SSX3: variants seen among roughly 807,000 people sequenced by gnomAD.
SSX3 encodes the protein protein SSX3.
A neutral mutation model predicts 14.8 loss-of-function variants in SSX3; 6 were observed. That is an observed-to-expected ratio of 0.41 (90% CI 0.22 to 0.80). The LOEUF (loss-of-function observed/expected upper bound fraction) is 0.80, where lower values mean the gene tolerates loss of function less well. Among genes scored for constraint, SSX3 ranks in the 30% least tolerant of loss-of-function variants. The pLI, the probability that SSX3 is intolerant of heterozygous loss-of-function variation, is 0.34. For missense variants in SSX3, 163 were observed against 152.2 expected, an observed-to-expected ratio of 1.07 and a Z score of -0.37; for synonymous variants, 55 against 52.9, an observed-to-expected ratio of 1.04 and a Z score of -0.18.
chrX:48,353,873 A>AT (rs781986228), intron 4 of SSX3, 126 bp downstream of exon 4: 3,598 of 592,383 alleles, frequency 6.1e-3, no homozygotes, highest in Non-Finnish European at 7.6e-3. Flanking sequence ...TCTGCATGCA[A>AT]TTTTTTTTTT....
intron 2 of SSX3, 110 bp downstream of exon 2, chrX:48,355,071 C>A: frequency 1.7e-6 from 2 of 1,203,542 alleles, no homozygotes; most frequent in Non-Finnish European, 2.2e-6. Context: ...CCAGATCTCC[C>A]CTGAGACCCT....
At chrX:48,347,638 G>C in intron 6 of SSX3, 34 bp from the exon 7 acceptor site, 1 of 1,208,836 alleles carries the variant, frequency 8.3e-7, no homozygotes, top group Non-Finnish European at 1.1e-6. Context: ...GTGAGGGTTG[G>C]GTAGGTTGGA....
chrX:48,350,566 G>T (rs1178541191), intron 5 of SSX3, among the ~76,000 whole-genome samples: 1 of 110,749 alleles, frequency 9.0e-6, no homozygotes, highest in Non-Finnish European at 1.9e-5. Context: ...GGGAAAGATG[G>T]TGTGGGGAGA....
At chrX:48,350,627 G>C (rs1311586792) in intron 5 of SSX3, among the ~76,000 whole-genome samples, 1 of 110,620 alleles carries the variant, frequency 9.0e-6, no homozygotes, top group Non-Finnish European at 1.9e-5. Context: ...AATTAATCTA[G>C]GCAGCAAACA....
At position 48,352,107 on chromosome X, in the gene SSX3, A is replaced by C; in HGVS notation, c.323T>G (p.Phe108Cys). 2 of 1,209,778 alleles carry C rather than the reference A, an allele frequency of 1.7e-6. No individual in the cohort carries two copies. Among genetic ancestry groups the C allele is most frequent in the Non-Finnish European group, 2.2e-6 (2 of 893,775 alleles). ...GATCTGAAAGATACTCACCTTCGGG[A>C]AGATTCCCTGGAGCCTGCCGAAAGT... ...QMTFGRLQGI[F>C]PKIMPKKPAE... is the part of the protein sequence containing the mutation. The change falls in exon 5 of 8, where the codon TTC becomes TGC. Residue 108 changes from phenylalanine (F) to cysteine (C), a missense_variant. By Grantham distance (205) the Phe-to-Cys change is radical. Transcript: ENST00000298396.
intron 6 of SSX3, 81 bp downstream of exon 6, chrX:48,349,906 A>T: frequency 8.4e-7 from 1 of 1,195,108 alleles, no homozygotes; most frequent in Admixed American, 2.3e-5. Flanking sequence ...GTTATCTGGG[A>T]TCCATGCCAC....
At position 48,355,212 on chromosome X, in the gene SSX3, A is replaced by G; in HGVS notation, c.38T>C (p.Val13Ala). Reference sequence around the variant, plus strand: ...TATCTTCTCTGGTATTTGAGCACCAACCGTGGGTCTCCTTGCAAAGGTGTC... The same window carrying G: ...TATCTTCTCTGGTATTTGAGCACCAGCCGTGGGTCTCCTTGCAAAGGTGTC... ...GDDTFARRPT[V>A]GAQIPEKIQK... The change falls in exon 2 of 8, where the codon GTT becomes GCT. Residue 13 changes from valine (V) to alanine (A), a missense_variant. Val to Ala is a moderately conservative substitution (Grantham distance 64). Coordinates refer to ENST00000298396, the MANE Select transcript of SSX3 (RefSeq NM_021014.4). 1.7e-6 allele frequency: 2 copies of G among 1,211,341 alleles called. No homozygotes were observed. The highest frequency in any genetic ancestry group is 2.3e-4 in the Middle Eastern group (1 of 4,350).
chrX:48,355,272 G>A lies in SSX3; in HGVS notation c.-20-3C>T. On this transcript the variant is annotated splice_polypyrimidine_tract_variant and splice_region_variant and intron_variant, in intron 1 of 7. Coordinates refer to ENST00000298396, the MANE Select transcript of SSX3 (RefSeq NM_021014.4). ...CATGGCACAGGGAGTAGTCTGACCT[G>A]CAAGAGAAACAGATTGAGACTTTCC... The A allele has an allele frequency of 7.5e-6, 9 of 1,206,913 alleles. No homozygotes were observed. In the South Asian group the frequency reaches 1.6e-4, roughly 21 times the overall value.
At chrX:48,350,832 A>G (rs1556949645) in intron 5 of SSX3, among the ~76,000 whole-genome samples, 2 of 103,597 alleles carry the variant, frequency 1.9e-5, no homozygotes, top group Non-Finnish European at 3.9e-5. Flanking sequence ...GAGCCGTGGC[A>G]TGATATCGGC....
intron 5 of SSX3, 110 bp downstream of exon 5, chrX:48,351,990 G>A (rs2056855860): frequency 1.3e-5 from 13 of 979,054 alleles, no homozygotes; most frequent in Admixed American, 2.2e-5. Flanking sequence ...TGATAGACAT[G>A]GGGAGAAGAA....
Position 48,346,921 on chromosome X carries a change from ACACTTGCTTT to A in SSX3, c.*109_*118del. 8.7e-7 allele frequency: 1 copy of A among 1,152,583 alleles called. No homozygotes were observed. The highest frequency in any genetic ancestry group is 1.8e-5 in the African/African-American group (1 of 56,194). The allele number at this position is 1,152,583 out of a possible 1,213,427, so 95.0% of individuals were successfully genotyped here. Reference sequence around the variant, plus strand: ...GACGCTCAACTTTTCACTGTTGTGAACACTTGCTTTCACTTGCTATGCACCTGATGACGAG... The same window carrying A: ...GACGCTCAACTTTTCACTGTTGTGAACACTTGCTATGCACCTGATGACGAG... On this transcript the variant is annotated 3_prime_UTR_variant, in exon 8 of 8. Transcript: ENST00000298396.
intron 4 of SSX3, among the ~76,000 whole-genome samples, 190 bp downstream of exon 4, chrX:48,353,809 A>T (rs1556950358): frequency 9.1e-6 from 1 of 109,962 alleles, no homozygotes; most frequent in African/African-American, 3.3e-5. Context: ...AAAAATATAT[A>T]TTCTTCTTTT....
intron 6 of SSX3, chrX:48,348,263 T>C: frequency 2.1e-6 from 1 of 470,554 alleles, no homozygotes; most frequent in Non-Finnish European, 3.8e-6. Flanking sequence ...GCTCTTTTAG[T>C]TTTTTTAAGT....
chrX:48,351,292 G>A (rs1487924681), intron 5 of SSX3, among the ~76,000 whole-genome samples: 1 of 111,762 alleles, frequency 8.9e-6, no homozygotes, highest in Admixed American at 9.5e-5. Context: ...GCACTTGTGG[G>A]ATCACTCATT....
At chrX:48,349,461 G>A (rs1468308692) in intron 6 of SSX3, 23 of 1,096,624 alleles carry the variant, frequency 2.1e-5, no homozygotes, top group Non-Finnish European at 2.7e-5. Flanking sequence ...TAATGCTATT[G>A]CACACTTAGT....
chrX:48,348,897 T>C (rs1389144235), intron 6 of SSX3, among the ~76,000 whole-genome samples: 1 of 111,917 alleles, frequency 8.9e-6, no homozygotes, highest in Non-Finnish European at 1.9e-5. Context: ...GTGAAGAAGC[T>C]GCAGGAGAAA....
rs782688505 is a variant in SSX3 at position 48,355,263 on chromosome X, G to C, written c.-14C>G. On this transcript the variant is annotated 5_prime_UTR_variant, in exon 2 of 8. Transcript: ENST00000298396. ...ATCTCCGTTCATGGCACAGGGAGTA[G>C]TCTGACCTGCAAGAGAAACAGATTG... 2.6e-5 allele frequency: 31 copies of C among 1,209,131 alleles called. No homozygotes were observed. Among genetic ancestry groups the C allele is most frequent in the Non-Finnish European group, 3.2e-5 (29 of 893,344 alleles).
chrX:48,354,648 CTCATACTTTCTCT>C lies in SSX3; in HGVS notation c.155_167del (p.Lys52ArgfsTer3), dbSNP rs2146669248. On this transcript the variant is annotated frameshift_variant, in exon 3 of 8. Transcript: ENST00000298396. LOFTEE classifies it high-confidence loss of function. Reference sequence around the variant, plus strand: ...TTCTGTTACCTAGTTTAGTCATGGCCTCATACTTTCTCTTCATATACACATAGACGATTTTCTC... The same window carrying C: ...TTCTGTTACCTAGTTTAGTCATGGCCTCATATACACATAGACGATTTTCTC... 8.3e-7 allele frequency: 1 copy of C among 1,205,348 alleles called. No homozygotes were observed. The highest frequency in any genetic ancestry group is 1.1e-6 in the Non-Finnish European group (1 of 892,363).
In SSX3 at chrX:48,350,052, T is replaced by C; in HGVS notation, c.401A>G (p.Asn134Ser). The C allele has an allele frequency of 8.3e-7, 1 of 1,211,917 alleles. No homozygotes were observed. The highest frequency in any genetic ancestry group is 1.1e-6 in the Non-Finnish European group (1 of 895,491). The change falls in exon 6 of 8, where the codon AAC (asparagine) becomes AGC (serine). Residue 134 changes from asparagine to serine, a missense_variant. Coordinates refer to ENST00000298396, the MANE Select transcript of SSX3 (RefSeq NM_021014.4). ...CGGGGGGCACAGCTGTTTCCCATCG[T>C]TTTGTGGGCCAGATGCTTCTGGCAC... is the stretch of plus-strand genomic sequence containing the variant. Reference protein sequence around the residue: ...KEVPEASGPQNDGKQLCPPGK... With the variant: ...KEVPEASGPQSDGKQLCPPGK...
Sources: gnomAD v4.1 joint callset for allele counts (sites outside exome capture counted in the v4.1 genomes callset) on GRCh38, gnomAD v4.1.1 for gene constraint, MANE v1.5 for transcripts, NCBI Gene and HGNC (gene_info 2026-07-23, HGNC 2026-07-21) for gene names.